The following MAGI3 variants were observed in gnomAD, a reference collection of about 807,000 sequenced individuals.
MAGI3 encodes the protein membrane associated guanylate kinase, WW and PDZ domain containing 3.
MAGI3 carries 43 observed loss-of-function variants against 121.8 expected under a neutral mutation model. The ratio of observed to expected loss-of-function variants is 0.35; its 90% CI spans 0.28 to 0.46. The LOEUF is 0.46. Ranked by LOEUF, MAGI3 falls within the 20% of genes least tolerant of loss-of-function variation. The pLI is 1.00. For synonymous variants in MAGI3, 553 were observed against 639.3 expected (o/e 0.86, Z 2.04); for missense variants, 1,547 against 1,797.3 (o/e 0.86, Z 2.52).
intron 1 of MAGI3, among the ~76,000 whole-genome samples, chr1:113,542,357 T>C (rs546800637): frequency 6.6e-6 from 1 of 150,906 alleles, no homozygotes; most frequent in South Asian, 2.1e-4. Context: ...GTTGAGTTCA[T>C]TGCAGCACTC....
chr1:113,573,235 A>G (rs1263730458), intron 2 of MAGI3, among the ~76,000 whole-genome samples: 4 of 152,182 alleles, frequency 2.6e-5, no homozygotes, highest in Non-Finnish European at 4.4e-5. Flanking sequence ...CTGTTCGGCT[A>G]GCTTTTGAAT....
intron 3 of MAGI3, among the ~76,000 whole-genome samples, chr1:113,584,119 T>A (rs1648215529): frequency 6.6e-6 from 1 of 152,166 alleles, no homozygotes; most frequent in Admixed American, 6.6e-5. Context: ...TGAATGAGCA[T>A]CTTAATTACT....
In MAGI3 at chr1:113,549,638, A is replaced by G. The variant is rs766777716; in HGVS notation, c.433+7A>G. On this transcript the variant is annotated splice_region_variant and intron_variant, in intron 2 of 20. Coordinates refer to ENST00000307546, the MANE Select transcript of MAGI3 (RefSeq NM_001142782.2). ...TACTTGAGAACCATTCCATGTAAGTATGTGATGGAATAAAAGAACTGAAGC... is the reference window on the plus strand; with the variant it reads ...TACTTGAGAACCATTCCATGTAAGTGTGTGATGGAATAAAAGAACTGAAGC... 32 of 1,425,614 alleles carry G rather than the reference A, an allele frequency of 2.2e-5. No homozygotes were observed. In the Admixed American group the frequency reaches 5.7e-4, roughly 25 times the overall value. 88.3% of individuals were successfully genotyped at this position (1,425,614 alleles called of 1,614,324 possible). A position where few individuals can be genotyped will look rare whatever the true frequency, so the allele number is the denominator to read the frequency against.
intron 1 of MAGI3, among the ~76,000 whole-genome samples, chr1:113,486,260 TG>T (rs1656375004): frequency 6.6e-6 from 1 of 152,188 alleles, no homozygotes; most frequent in Non-Finnish European, 1.5e-5. Flanking sequence ...AGTTTGATAT[TG>T]GGAATTGCAT....
chr1:113,528,300 T>C (rs1432325980), intron 1 of MAGI3, among the ~76,000 whole-genome samples: 2 of 151,910 alleles, frequency 1.3e-5, no homozygotes, highest in Non-Finnish European at 2.9e-5. Context: ...CAACCTTTTT[T>C]TTTTTTTTTT....
At chr1:113,471,552 C>T (rs950905383) in intron 1 of MAGI3, among the ~76,000 whole-genome samples, 1 of 151,820 alleles carries the variant, frequency 6.6e-6, no homozygotes, top group Non-Finnish European at 1.5e-5. Flanking sequence ...TTTACAGTTA[C>T]CATTTTTTTT....
At chr1:113,668,479 G>A (rs1431523217) in intron 16 of MAGI3, among the ~76,000 whole-genome samples, 3 of 151,772 alleles carry the variant, frequency 2.0e-5, no homozygotes, top group Admixed American at 1.3e-4. Flanking sequence ...CATGTAGCAC[G>A]GGTTGAAGGA....
At chr1:113,639,340 A>G (rs1357749661) in intron 9 of MAGI3, among the ~76,000 whole-genome samples, 2 of 152,194 alleles carry the variant, frequency 1.3e-5, no homozygotes, top group Non-Finnish European at 1.5e-5. Context: ...CACGCTGGGA[A>G]CTGTAGACCG....
Position 113,659,072 on chromosome 1 carries a change from T to TC in MAGI3, c.2630-5dup, listed in dbSNP as rs1484127447. Reference sequence around the variant, plus strand: ...TAATTGAAAAACCTGGGGTTTTTTTTCCCATAGTTATTCCTCATAAAATTG... The same window carrying TC: ...TAATTGAAAAACCTGGGGTTTTTTTTCCCCATAGTTATTCCTCATAAAATTG... On this transcript the variant is annotated splice_region_variant and splice_polypyrimidine_tract_variant and intron_variant, in intron 15 of 20. Coordinates refer to ENST00000307546, the MANE Select transcript of MAGI3 (RefSeq NM_001142782.2). The TC allele has an allele frequency of 7.0e-6, 11 of 1,574,582 alleles. No individual in the cohort carries two copies. Among genetic ancestry groups the TC allele is most frequent in the Admixed American group, 2.0e-5 (1 of 50,782 alleles).
intron 1 of MAGI3, among the ~76,000 whole-genome samples, chr1:113,469,579 G>A (rs889092618): frequency 6.6e-6 from 1 of 151,154 alleles, no homozygotes; most frequent in Non-Finnish European, 1.5e-5. Context: ...TTTCAGCTCT[G>A]GGAAAAGTAT....
rs147899312 is a variant in MAGI3, at chr1:113,403,237, A to G, written c.316+11888A>G. ...TGGCAATCAGGAGGTTGCTACTGAA[A>G]CAGTGGCAAGAAAATGCTACTGTAG... On this transcript the variant is annotated intron_variant, in intron 1 of 20. Coordinates refer to ENST00000307546, the MANE Select transcript of MAGI3 (RefSeq NM_001142782.2). Among the ~76,000 whole-genome samples the G allele has an allele frequency of 4.4e-3, 664 of 152,054 alleles. 3 individuals carry two copies. The highest frequency in any genetic ancestry group is 0.017 in the Middle Eastern group (5 of 294).
At chr1:113,520,338 G>A (rs1031439315) in intron 1 of MAGI3, among the ~76,000 whole-genome samples, 35 of 151,702 alleles carry the variant, frequency 2.3e-4, no homozygotes, top group African/African-American at 8.5e-4. Context: ...TTCTGTTCTA[G>A]ATACTAGGGA....
chr1:113,415,051 C>T (rs1355537498), intron 1 of MAGI3, among the ~76,000 whole-genome samples: 1 of 151,938 alleles, frequency 6.6e-6, no homozygotes, highest in Non-Finnish European at 1.5e-5. Context: ...TGTTACTAGA[C>T]CAAATAATGT....
intron 1 of MAGI3, among the ~76,000 whole-genome samples, chr1:113,464,893 T>G (rs1246080239): frequency 1.3e-5 from 2 of 152,188 alleles, no homozygotes; most frequent in Non-Finnish European, 2.9e-5. Flanking sequence ...ATATTCTGAT[T>G]ATTAATCCCT....
chr1:113,574,208 T>C (rs1362108591), intron 2 of MAGI3, among the ~76,000 whole-genome samples: 1 of 152,196 alleles, frequency 6.6e-6, no homozygotes, highest in Non-Finnish European at 1.5e-5. Flanking sequence ...AGGTTAATAT[T>C]GTTATGTATT....
At position 113,452,039 on chromosome 1, in the gene MAGI3, G is replaced by T. The variant is rs542972100; in HGVS notation, c.316+60690G>T. Reference sequence around the variant, plus strand: ...AGACATGCTGAAATGACCACTTTTTGCTCTGGAGTGATATTCTTTGCTTAA... The same window carrying T: ...AGACATGCTGAAATGACCACTTTTTTCTCTGGAGTGATATTCTTTGCTTAA... On this transcript the variant is annotated intron_variant, in intron 1 of 20. Coordinates refer to ENST00000307546, the MANE Select transcript of MAGI3 (RefSeq NM_001142782.2). Among the ~76,000 whole-genome samples the T allele has an allele frequency of 1.2e-4, 18 of 152,214 alleles. No homozygotes were observed. The South Asian group carries it at 1.9e-3, about 16-fold the overall frequency.
At chr1:113,579,324 G>T (rs1647863175) in intron 2 of MAGI3, among the ~76,000 whole-genome samples, 1 of 152,172 alleles carries the variant, frequency 6.6e-6, no homozygotes. Flanking sequence ...AAGGGAGTAG[G>T]AAGTCCTCTG....
At position 113,654,009 on chromosome 1, in the gene MAGI3, C is replaced by T. The variant is rs1653332797; in HGVS notation, c.2620C>T (p.Pro874Ser). ...FVILTSKNKP[P>S]PGVIPHKIGR... is the part of the protein sequence containing the mutation. ...CATCCTCACCTCCAAAAACAAACCACCTCCAGGAGGTAAGGGCTATTGTAT... is the reference window on the plus strand; with the variant it reads ...CATCCTCACCTCCAAAAACAAACCATCTCCAGGAGGTAAGGGCTATTGTAT... Residue 874 changes from proline (P) to serine (S), a missense_variant, in exon 15 of 21, where the codon CCT becomes TCT. By Grantham distance (74) the Pro-to-Ser change is moderately conservative. Transcript: ENST00000307546. 2 of 1,612,758 alleles carry T rather than the reference C, an allele frequency of 1.2e-6. No homozygotes were observed. Among genetic ancestry groups the T allele is most frequent in the African/African-American group, 1.3e-5 (1 of 74,880 alleles).
At chr1:113,630,220 G>A (rs1471931402) in intron 9 of MAGI3, among the ~76,000 whole-genome samples, 1 of 152,142 alleles carries the variant, frequency 6.6e-6, no homozygotes, top group Non-Finnish European at 1.5e-5. Context: ...ACCTCTCCCT[G>A]TGGCCACCAA....
Sources: allele counts gnomAD v4.1 joint callset (sites outside exome capture counted in the v4.1 genomes callset), GRCh38; gene constraint gnomAD v4.1.1; transcripts MANE v1.5; gene names NCBI Gene and HGNC (gene_info 2026-07-23, HGNC 2026-07-21).